Variants in KCNQ3 observed in about 807,000 individuals in gnomAD.
KCNQ3 encodes the protein potassium voltage-gated channel subfamily KQT member 3.
Under a neutral mutation model 92.5 loss-of-function variants are expected in KCNQ3, and 30 were observed. The ratio of observed to expected loss-of-function variants is 0.32; its 90% confidence interval spans 0.24 to 0.44. The LOEUF (loss-of-function observed/expected upper bound fraction) is 0.44, where lower values mean the gene tolerates loss of function less well. Ranked by LOEUF, KCNQ3 falls within the 20% of genes least tolerant of loss-of-function variation. KCNQ3 has a pLI of 1.00. For missense variants in KCNQ3, 913 were observed against 1,140.3 expected, an observed-to-expected ratio of 0.80 and a Z score of 2.87; for synonymous variants, 450 against 468.8, an observed-to-expected ratio of 0.96 and a Z score of 0.52.
intron 1 of KCNQ3, among the ~76,000 whole-genome samples, chr8:132,234,338 GTTTTTTT>G (rs756218792): frequency 2.0e-3 from 172 of 85,666 alleles, no homozygotes; most frequent in South Asian, 9.3e-3. Flanking sequence ...TCCATGAAAA[GTTTTTTT>G]TTTTTTTTTT....
Position 132,129,921 on chromosome 8 carries a change from C to T in KCNQ3, c.1960G>A (p.Val654Ile). ...MQHMERLQVQ[V>I]TEYYPTKGTS... is the part of the protein sequence containing the mutation. ...CCCTTGGTTGGGTAATACTCCGTGA[C>T]CTGCACCTGCAACCGTTCCATGTGT... Residue 654 changes from valine (V) to isoleucine (I), a missense_variant, in exon 15 of 15, where the codon GTC becomes ATC. Coordinates refer to ENST00000388996, the MANE Select transcript of KCNQ3 (RefSeq NM_004519.4). This position sits in a 1 kb window ranked among gnomAD's most constrained non-coding sequence, Gnocchi z 5.9. 1 of 1,614,160 alleles carries T rather than the reference C, an allele frequency of 6.2e-7. No homozygotes were observed. Among genetic ancestry groups the T allele is most frequent in the Non-Finnish European group, 8.5e-7 (1 of 1,180,038 alleles).
In KCNQ3 at chr8:132,159,725, G is replaced by A. The variant is rs183233010; in HGVS notation, c.1262+3743C>T. 1.2e-4 allele frequency among the ~76,000 whole-genome samples: 19 copies of A among 152,308 alleles called. No individual in the cohort carries two copies. The East Asian group carries it at 2.5e-3, about 20-fold the overall frequency. On this transcript the variant is annotated intron_variant, in intron 9 of 14. Coordinates refer to ENST00000388996, the MANE Select transcript of KCNQ3 (RefSeq NM_004519.4). Reference sequence around the variant, plus strand: ...CTGGGGTCCCAGTCCTTGTTTCTTAGGGGTTCCCACCCTCTCTGATGGCTG... The same window carrying A: ...CTGGGGTCCCAGTCCTTGTTTCTTAAGGGTTCCCACCCTCTCTGATGGCTG...
intron 1 of KCNQ3, among the ~76,000 whole-genome samples, chr8:132,262,641 T>TG (rs1815826357): frequency 6.6e-6 from 1 of 150,822 alleles, no homozygotes; most frequent in Non-Finnish European, 1.5e-5. Context: ...GCAGTTTTTT[T>TG]TTTTTTTTTA....
In KCNQ3 at chr8:132,124,349, TA is replaced by T. The variant is rs1305938938; in HGVS notation, c.*4912del. 2.0e-5 allele frequency: 3 copies of T among 152,160 alleles called. No individual in the cohort carries two copies. The highest frequency in any genetic ancestry group is 4.8e-5 in the African/African-American group (2 of 41,434). 9.4% of individuals were successfully genotyped at this position (152,160 alleles called of 1,614,324 possible). A position where few individuals can be genotyped will look rare whatever the true frequency, so the allele number is the denominator to read the frequency against. On this transcript the variant is annotated 3_prime_UTR_variant, in exon 15 of 15. Transcript: ENST00000388996. ...GAGACAATGAAGTCCATGCATACTG[TA>T]AAAAAATAACATAAATAACAGTCCC...
At chr8:132,278,925 G>C (rs920172179) in intron 1 of KCNQ3, among the ~76,000 whole-genome samples, 8 of 152,082 alleles carry the variant, frequency 5.3e-5, no homozygotes, top group African/African-American at 9.7e-5. Context: ...TCATAAAAAA[G>C]TGCACATCCG....
intron 1 of KCNQ3, among the ~76,000 whole-genome samples, chr8:132,434,198 A>C (rs1821325946): frequency 7.6e-6 from 1 of 130,980 alleles, no homozygotes; most frequent in African/African-American, 2.9e-5. Context: ...ACAGAGCGAG[A>C]CTCCGTCTCA....
chr8:132,133,354 C>CTT (rs10673519), intron 13 of KCNQ3, among the ~76,000 whole-genome samples: 1,657 of 103,454 alleles, frequency 0.016, 180 homozygotes, highest in African/African-American at 0.049. Context: ...GCTCTCGATT[C>CTT]TTTTTTTTTT....
At chr8:132,224,044 T>C (rs1157861617) in intron 1 of KCNQ3, among the ~76,000 whole-genome samples, 1 of 146,320 alleles carries the variant, frequency 6.8e-6, no homozygotes, top group Admixed American at 7.0e-5. Context: ...GCCTCTCAAG[T>C]AGCTGAGACT....
intron 1 of KCNQ3, among the ~76,000 whole-genome samples, chr8:132,273,167 G>A (rs537831704): frequency 6.6e-6 from 1 of 152,290 alleles, no homozygotes; most frequent in African/African-American, 2.4e-5. Context: ...CCCTAGCAGA[G>A]GTTATCCATG....
At chr8:132,152,394 C>T (rs373340082) in intron 9 of KCNQ3, among the ~76,000 whole-genome samples, 173 of 152,246 alleles carry the variant, frequency 1.1e-3, no homozygotes, top group Middle Eastern at 3.4e-3. Context: ...ACTCTGTGAA[C>T]AAAATTTGGA....
chr8:132,160,633 G>A (rs1825955612), intron 9 of KCNQ3, among the ~76,000 whole-genome samples: 1 of 149,264 alleles, frequency 6.7e-6, no homozygotes. Context: ...TTTCAAATCA[G>A]TTTATTGAAA....
chr8:132,456,109 C>T (rs927304485), intron 1 of KCNQ3, among the ~76,000 whole-genome samples: 1 of 152,132 alleles, frequency 6.6e-6, no homozygotes, highest in Non-Finnish European at 1.5e-5. Context: ...AGTGAAGTCC[C>T]TTGCCTGAGG....
chr8:132,345,231 A>G (rs1046548701), intron 1 of KCNQ3, among the ~76,000 whole-genome samples: 3 of 152,172 alleles, frequency 2.0e-5, no homozygotes, highest in African/African-American at 7.2e-5. Flanking sequence ...TTCATCACCT[A>G]CTTTCTCTCA....
At position 132,363,801 on chromosome 8, in the gene KCNQ3, T is replaced by C. The variant is rs373159101; in HGVS notation, c.386+116346A>G. On this transcript the variant is annotated intron_variant, in intron 1 of 14. Coordinates refer to ENST00000388996, the MANE Select transcript of KCNQ3 (RefSeq NM_004519.4). ...CCACAGCTCCTGCTTCTTCTGCTTGTCTTACTTTCTTTCTCTCTTTCATAC... is the reference window on the plus strand; with the variant it reads ...CCACAGCTCCTGCTTCTTCTGCTTGCCTTACTTTCTTTCTCTCTTTCATAC... Among the ~76,000 whole-genome samples, 5 of 151,386 alleles carry C rather than the reference T, an allele frequency of 3.3e-5. No individual in the cohort carries two copies. The East Asian group carries it at 9.9e-4, about 30-fold the overall frequency.
chr8:132,437,290 A>T (rs1239311305), intron 1 of KCNQ3, among the ~76,000 whole-genome samples: 8 of 151,200 alleles, frequency 5.3e-5, no homozygotes, highest in South Asian at 2.1e-4. Flanking sequence ...AAAAAAAATA[A>T]AAATAAAAAA....
chr8:132,330,436 T>A (rs1818196508), intron 1 of KCNQ3, among the ~76,000 whole-genome samples: 1 of 152,148 alleles, frequency 6.6e-6, no homozygotes, highest in African/African-American at 2.4e-5. Flanking sequence ...GATCTATCTC[T>A]CTCCTGCAGC....
rs1393085163 is a variant in KCNQ3, at chr8:132,138,003, G to C, written c.1582C>G (p.Arg528Gly). ...AIRAVRILQF[R>G]LYKKKFKETL... The stretch of plus-strand genomic sequence containing the variant: ...TCCTTGAATTTTTTTTTATAGAGAC[G>C]GAATTGTAGAATTCTGCAAGGCAAA... Residue 528 changes from arginine to glycine, a missense_variant, in exon 12 of 15, where the codon CGT becomes GGT. Arg to Gly is a moderately radical substitution (Grantham distance 125). Around this residue, in one of 6 missense-constraint regions of KCNQ3, gnomAD observed 182 missense variants for 234.5 expected, o/e 0.78. Transcript: ENST00000388996. 6.2e-7 allele frequency: 1 copy of C among 1,610,902 alleles called. No homozygotes were observed. The highest frequency in any genetic ancestry group is 1.1e-5 in the South Asian group (1 of 91,068).
chr8:132,359,675 T>C (rs745427940), intron 1 of KCNQ3, among the ~76,000 whole-genome samples: 2 of 152,194 alleles, frequency 1.3e-5, no homozygotes, highest in East Asian at 1.9e-4. Flanking sequence ...AATTGTGTGA[T>C]TGGTTATTAG....
At chr8:132,255,973 A>AAAAT (rs1815571163) in intron 1 of KCNQ3, among the ~76,000 whole-genome samples, 1 of 76,532 alleles carries the variant, frequency 1.3e-5, no homozygotes, top group African/African-American at 3.5e-5. Flanking sequence ...CAAGAAAAAG[A>AAAAT]AAATAAACAA....
Sources: gnomAD v4.1 joint callset for allele counts (sites outside exome capture counted in the v4.1 genomes callset) on GRCh38, gnomAD v4.1.1 for gene constraint, gnomAD v4.1.1 regional missense constraint, Gnocchi (gnomAD v3.1) non-coding constraint, MANE v1.5 for transcripts, NCBI Gene and HGNC (gene_info 2026-07-23, HGNC 2026-07-21) for gene names.